The following ASCC3 variants were observed in gnomAD, a reference collection of about 807,000 sequenced individuals.
ASCC3 encodes ASC-1 complex subunit P200.
A neutral mutation model predicts 256.3 loss-of-function variants in ASCC3; 158 were observed. That is an observed-to-expected ratio of 0.62 (90% CI 0.54 to 0.70). The LOEUF is 0.70. Among genes scored for constraint, ASCC3 ranks in the 30% least tolerant of loss-of-function variants. The probability of loss-of-function intolerance (pLI) is 0.00; values close to 1 mark genes in which losing one functional copy is unlikely to be tolerated. For synonymous variants in ASCC3, 948 were observed against 883.4 expected (o/e 1.07, Z -1.30); for missense variants, 2,259 against 2,626.0 (o/e 0.86, Z 3.05).
chr6:100,741,313 A>T (rs992185484), intron 10 of ASCC3, among the ~76,000 whole-genome samples: 2 of 151,716 alleles, frequency 1.3e-5, no homozygotes, highest in Admixed American at 6.6e-5. Context: ...TGCCCTTAAC[A>T]TTTTTTCTTT....
rs371905084 is a variant in ASCC3, at chr6:100,800,310, G to A, written c.1117C>T (p.Arg373Trp). 2.1e-5 allele frequency: 34 copies of A among 1,612,310 alleles called. 1 individual carries two copies. Among genetic ancestry groups the A allele is most frequent in the East Asian group, 2.2e-5 (1 of 44,786 alleles). ...GLMCFDPKELRIQREQALLNA... is the reference protein window; with the variant it reads ...GLMCFDPKELWIQREQALLNA... ...CCTGGCTTTTATTACCTTTGTATCC[G>A]CAATTCCTTAGGATCAAAGCACATA... is the stretch of plus-strand genomic sequence containing the variant. The change falls in exon 6 of 42, where the codon CGG (arginine) becomes TGG (tryptophan). Residue 373 changes from arginine to tryptophan, a missense_variant. This residue lies in a region of ASCC3 where 1,839 missense variants were observed against 2,206.7 expected (regional missense o/e 0.83). Transcript: ENST00000369162.
intron 37 of ASCC3, among the ~76,000 whole-genome samples, chr6:100,519,429 A>C (rs1252294546): frequency 6.6e-6 from 1 of 152,150 alleles, no homozygotes; most frequent in Admixed American, 6.6e-5. Flanking sequence ...TTATAAATCT[A>C]GGGAAAATCC....
chr6:100,686,259 A>ATAATTTTG (rs1403396656), intron 13 of ASCC3, among the ~76,000 whole-genome samples: 1 of 152,226 alleles, frequency 6.6e-6, no homozygotes, highest in African/African-American at 2.4e-5. Context: ...TTATTAGAGT[A>ATAATTTTG]TAATTTTGCT....
chr6:100,663,764 C>T (rs535303638), intron 14 of ASCC3, among the ~76,000 whole-genome samples: 2 of 152,212 alleles, frequency 1.3e-5, no homozygotes, highest in South Asian at 2.1e-4. Flanking sequence ...TGCTGTTGCA[C>T]CTCAAATTGC....
chr6:100,623,162 C>A (rs1363774880), intron 30 of ASCC3, among the ~76,000 whole-genome samples: 1 of 151,962 alleles, frequency 6.6e-6, no homozygotes, highest in African/African-American at 2.4e-5. Context: ...ACCTTAGACA[C>A]AACAGGATGA....
chr6:100,689,171 T>A (rs1384963446), intron 13 of ASCC3, among the ~76,000 whole-genome samples: 4 of 152,152 alleles, frequency 2.6e-5, no homozygotes, highest in Admixed American at 6.6e-5. Flanking sequence ...ATCACTCCCA[T>A]CACACGTTGT....
chr6:100,859,143 T>G (rs1371625489), intron 3 of ASCC3: 1 of 779,994 alleles, frequency 1.3e-6, no homozygotes, highest in African/African-American at 1.7e-5. Context: ...GAAGCTCTGC[T>G]CATCTTCTCA....
chr6:100,833,091 A>G lies in ASCC3; in HGVS notation c.801+15057T>C, dbSNP rs116856601. On this transcript the variant is annotated intron_variant, in intron 4 of 41. Coordinates refer to ENST00000369162, the MANE Select transcript of ASCC3 (RefSeq NM_006828.4). ...GGTGAATGAATAAACAAATTGTACT[A>G]TATCTGTATAATGGAGTATTTTATT... Among the ~76,000 whole-genome samples the G allele has an allele frequency of 8.9e-3, 1,351 of 152,238 alleles. 16 individuals carry two copies. Among genetic ancestry groups the G allele is most frequent in the Non-Finnish European group, 0.014 (930 of 67,986 alleles).
chr6:100,776,300 T>G (rs1782185469), intron 8 of ASCC3, among the ~76,000 whole-genome samples: 1 of 152,146 alleles, frequency 6.6e-6, no homozygotes, highest in Non-Finnish European at 1.5e-5. Flanking sequence ...TTATCTTAAG[T>G]GCTTTATGTT....
intron 4 of ASCC3, among the ~76,000 whole-genome samples, chr6:100,816,530 G>A (rs1033196510): frequency 6.6e-6 from 1 of 152,084 alleles, no homozygotes; most frequent in Non-Finnish European, 1.5e-5. Flanking sequence ...TTGGTAGACT[G>A]GACAATGAAA....
intron 4 of ASCC3, among the ~76,000 whole-genome samples, chr6:100,812,205 A>G (rs1770504766): frequency 6.6e-6 from 1 of 152,184 alleles, no homozygotes; most frequent in East Asian, 1.9e-4. Flanking sequence ...GAAACATGGG[A>G]CAAATATCCA....
chr6:100,712,673 A>G (rs1778905741), intron 13 of ASCC3, among the ~76,000 whole-genome samples: 1 of 151,758 alleles, frequency 6.6e-6, no homozygotes, highest in African/African-American at 2.4e-5. Flanking sequence ...GAAAAATGGT[A>G]TAGGTATTTT....
chr6:100,817,817 A>G (rs1160482385), intron 4 of ASCC3, among the ~76,000 whole-genome samples: 1 of 152,176 alleles, frequency 6.6e-6, no homozygotes, highest in South Asian at 2.1e-4. Flanking sequence ...AGATGGCTTC[A>G]CAGTTGAATT....
At chr6:100,608,178 ATGTG>A (rs1343872803) in intron 30 of ASCC3, among the ~76,000 whole-genome samples, 3 of 118,128 alleles carry the variant, frequency 2.5e-5, no homozygotes, top group Admixed American at 9.6e-5. Flanking sequence ...ATATTTATAT[ATGTG>A]TGTGTATATA....
At chr6:100,673,769 T>C (rs535015841) in intron 14 of ASCC3, among the ~76,000 whole-genome samples, 3 of 152,296 alleles carry the variant, frequency 2.0e-5, no homozygotes, top group East Asian at 3.9e-4. Context: ...CAATCTTCAA[T>C]AGCTTCTCAC....
At chr6:100,812,903 C>T (rs1770546612) in intron 4 of ASCC3, among the ~76,000 whole-genome samples, 1 of 151,972 alleles carries the variant, frequency 6.6e-6, no homozygotes, top group African/African-American at 2.4e-5. Context: ...GCTCTCCAGC[C>T]TGGGCAAGAG....
At chr6:100,776,990 T>C (rs762205621) in intron 8 of ASCC3, among the ~76,000 whole-genome samples, 1 of 152,100 alleles carries the variant, frequency 6.6e-6, no homozygotes, top group South Asian at 2.1e-4. Flanking sequence ...GAATTAGTGA[T>C]GATAGCCACT....
intron 25 of ASCC3, among the ~76,000 whole-genome samples, chr6:100,633,282 C>G (rs1440318189): frequency 1.3e-5 from 2 of 152,064 alleles, no homozygotes; most frequent in African/African-American, 4.8e-5. Context: ...CAGGCTGTAG[C>G]CACTCCCCAA....
chr6:100,594,378 T>G (rs1422633284), intron 34 of ASCC3, among the ~76,000 whole-genome samples: 1 of 152,120 alleles, frequency 6.6e-6, no homozygotes, highest in Admixed American at 6.6e-5. Flanking sequence ...AATGTAAGTG[T>G]TTCATTAGAG....
Sources: allele counts gnomAD v4.1 joint callset (sites outside exome capture counted in the v4.1 genomes callset), GRCh38; gene constraint gnomAD v4.1.1; regional missense constraint gnomAD v4.1.1; transcripts MANE v1.5; gene names NCBI Gene and HGNC (gene_info 2026-07-23, HGNC 2026-07-21).